TMEM219: variants seen among roughly 807,000 people sequenced by gnomAD.
The protein encoded by TMEM219 is insulin-like growth factor-binding protein 3 receptor.
A neutral mutation model predicts 17.9 loss-of-function variants in TMEM219; 18 were observed. The ratio of observed to expected loss-of-function variants is 1.01; its 90% CI spans 0.70 to 1.49. The LOEUF is 1.49. Ranked by LOEUF, TMEM219 falls within the 40% of genes most tolerant of loss-of-function variation. The probability of loss-of-function intolerance (pLI) is 0.00; values close to 1 mark genes in which losing one functional copy is unlikely to be tolerated. For synonymous variants in TMEM219, 113 were observed against 124.0 expected (o/e 0.91, Z 0.59); for missense variants, 288 against 292.4 (o/e 0.99, Z 0.11).
Position 29,968,010 on chromosome 16 carries a change from C to T in TMEM219, c.356-15C>T, listed in dbSNP as rs762883266. ...CTCTCATTTTCTTCCATTTTCTCTTCTGTGCCTTTCACAGGATCTTCTGCA... is the reference window on the plus strand; with the variant it reads ...CTCTCATTTTCTTCCATTTTCTCTTTTGTGCCTTTCACAGGATCTTCTGCA... On this transcript the variant is annotated splice_polypyrimidine_tract_variant and intron_variant, in intron 3 of 5. Transcript: ENST00000279396. The T allele has an allele frequency of 1.9e-6, 3 of 1,598,274 alleles. No homozygotes were observed. In the African/African-American group the frequency reaches 4.0e-5, roughly 21 times the overall value.
intron 4 of TMEM219, among the ~76,000 whole-genome samples, chr16:29,969,357 C>T (rs1024422336): frequency 1.6e-4 from 25 of 151,644 alleles, no homozygotes; most frequent in Non-Finnish European, 8.8e-5. Context: ...CCACCATGCC[C>T]GGCTAATTTT....
In TMEM219 at chr16:29,965,584, A is replaced by T. The variant is rs2069201831; in HGVS notation, c.355+1995A>T. On this transcript the variant is annotated intron_variant, in intron 3 of 5. Coordinates refer to ENST00000279396, the MANE Select transcript of TMEM219 (RefSeq NM_001083613.2). ...AAATACAAAAAAAAAAAAAAAAAAA[A>T]GCCAGGCGTGGTGGTGCACACCTGT... Among the ~76,000 whole-genome samples, 4 of 143,336 alleles carry T rather than the reference A, an allele frequency of 2.8e-5. 1 individual carries two copies. The South Asian group carries it at 9.0e-4, about 32-fold the overall frequency. The allele number at this position is 143,336 out of a possible 152,430, so 94.0% of individuals were successfully genotyped here. A position where few individuals can be genotyped will look rare whatever the true frequency, so the allele number is the denominator to read the frequency against.
chr16:29,967,999 C>G lies in TMEM219; in HGVS notation c.356-26C>G, dbSNP rs762058368. The G allele has an allele frequency of 2.6e-6, 4 of 1,566,020 alleles. No individual in the cohort carries two copies. The East Asian group carries it at 9.0e-5, about 35-fold the overall frequency. On this transcript the variant is annotated intron_variant, in intron 3 of 5. Coordinates refer to ENST00000279396, the MANE Select transcript of TMEM219 (RefSeq NM_001083613.2). ...TCCCGCGTCACCTCTCATTTTCTTC[C>G]ATTTTCTCTTCTGTGCCTTTCACAG...
Position 29,963,464 on chromosome 16 carries a change from C to T in TMEM219, c.230C>T (p.Thr77Ile), listed in dbSNP as rs368235524. The change falls in exon 3 of 6, where the codon ACA (threonine) becomes ATA (isoleucine). Residue 77 changes from threonine to isoleucine, a missense_variant. By Grantham distance (89) the Thr-to-Ile change is moderately conservative (BLOSUM62 -1). Coordinates refer to ENST00000279396, the MANE Select transcript of TMEM219 (RefSeq NM_001083613.2). ...LTLCPRNGTV[T>I]GKWRGSHVVG... is the part of the protein sequence containing the mutation. ...CTGTGTCCCAGGAATGGGACAGTCA[C>T]AGGGAAGTGGCGAGGGTCTCACGTC... 1.8e-5 allele frequency: 29 copies of T among 1,614,092 alleles called. No homozygotes were observed. Among genetic ancestry groups the T allele is most frequent in the Non-Finnish European group, 2.3e-5 (27 of 1,180,042 alleles).
At chr16:29,971,603 C>A in intron 5 of TMEM219, 25 bp downstream of exon 5, 2 of 339,662 alleles carry the variant, frequency 5.9e-6, no homozygotes, top group East Asian at 1.1e-4. Context: ...TCCAGTCCTG[C>A]GGGAGCAGGG....
At chr16:29,971,245 C>CA (rs372675511) in intron 4 of TMEM219, among the ~76,000 whole-genome samples, 163 bp from the exon 5 acceptor site, 1,714 of 127,282 alleles carry the variant, frequency 0.013, 16 homozygotes, top group African/African-American at 0.022. Context: ...GACTCCATCT[C>CA]AAAAAAAAAA....
chr16:29,965,325 A>C (rs1351247288), intron 3 of TMEM219, among the ~76,000 whole-genome samples: 1 of 152,318 alleles, frequency 6.6e-6, no homozygotes, highest in Admixed American at 6.5e-5. Context: ...CGATATATGC[A>C]GACTTGGGAC....
rs533608766 is a variant in TMEM219, at chr16:29,969,928, T to C, written c.586-1480T>C. ...GGAGGGCCATCAGTCAGGAGGCTGC[T>C]GCACACTCCACTCTCACATTTGAAA... On this transcript the variant is annotated intron_variant, in intron 4 of 5. Coordinates refer to ENST00000279396, the MANE Select transcript of TMEM219 (RefSeq NM_001083613.2). Among the ~76,000 whole-genome samples, 5 of 152,162 alleles carry C rather than the reference T, an allele frequency of 3.3e-5. No individual in the cohort carries two copies. The South Asian group carries it at 1.0e-3, about 32-fold the overall frequency.
chr16:29,970,830 G>A (rs926956765), intron 4 of TMEM219, among the ~76,000 whole-genome samples: 1 of 152,012 alleles, frequency 6.6e-6, no homozygotes, highest in Non-Finnish European at 1.5e-5. Context: ...TGTGGTCCCA[G>A]CTACTCAGGA....
chr16:29,971,328 C>G, intron 4 of TMEM219, 80 bp from the exon 5 acceptor site: 1 of 1,530,228 alleles, frequency 6.5e-7, no homozygotes, highest in Non-Finnish European at 8.9e-7. Flanking sequence ...GGAGAGCCCT[C>G]TCCCTCATGG....
chr16:29,963,333 C>T, intron 2 of TMEM219, 25 bp downstream of exon 2: 1 of 1,613,962 alleles, frequency 6.2e-7, no homozygotes. Flanking sequence ...CCCGTACCCG[C>T]TCTTCCTTCC....
At position 29,968,559 on chromosome 16, in the gene TMEM219, C is replaced by T. The variant is rs527822555; in HGVS notation, c.585+305C>T. The T allele has an allele frequency of 1.4e-5, 4 of 276,786 alleles. No individual in the cohort carries two copies. In the East Asian group the frequency reaches 2.8e-4, roughly 19 times the overall value. 17.1% of individuals were successfully genotyped at this position (276,786 alleles called of 1,614,324 possible). On this transcript the variant is annotated intron_variant, in intron 4 of 5. Coordinates refer to ENST00000279396, the MANE Select transcript of TMEM219 (RefSeq NM_001083613.2). ...GATAAGTGACAGCTATTGTTGTTTA[C>T]TATTGTCTTTAAAACATTCTCTCTA... is the stretch of plus-strand genomic sequence containing the variant.
Position 29,963,441 on chromosome 16 carries a change from G to C in TMEM219, c.207G>C (p.Leu69=). The C allele has an allele frequency of 6.2e-7, 1 of 1,614,190 alleles. No homozygotes were observed. Among genetic ancestry groups the C allele is most frequent in the Non-Finnish European group, 8.5e-7 (1 of 1,180,034 alleles). ...TGAGATCTTTTGGCCAGCTGACCCT[G>C]TGTCCCAGGAATGGGACAGTCACAG... The part of the protein sequence containing the change: ...SFLRSFGQLT[L]CPRNGTVTGK... Residue 69 remains leucine, a synonymous_variant, in exon 3 of 6, where the codon CTG becomes CTC. Transcript: ENST00000279396.
rs757073572 is a variant in TMEM219 at position 29,968,273 on chromosome 16, T to TC, written c.585+20dup. On this transcript the variant is annotated intron_variant, in intron 4 of 5. Transcript: ENST00000279396. ...CACCTCGGTAAGAGCCTCAGATGGG[T>TC]CGCCAGGGTTTTGTAGACTGCCTGC... The TC allele has an allele frequency of 1.4e-5, 22 of 1,598,410 alleles. No homozygotes were observed. Among genetic ancestry groups the TC allele is most frequent in the Non-Finnish European group, 1.9e-5 (22 of 1,167,052 alleles).
intron 4 of TMEM219, among the ~76,000 whole-genome samples, chr16:29,970,959 A>T (rs1189701036): frequency 1.3e-5 from 2 of 151,500 alleles, no homozygotes; most frequent in Admixed American, 1.3e-4. Flanking sequence ...GAAAAAAAAA[A>T]AAAAGGGCCA....
At position 29,963,558 on chromosome 16, in the gene TMEM219, C is replaced by A. The variant is rs775522702; in HGVS notation, c.324C>A (p.Ala108=). 1 of 1,614,112 alleles carries A rather than the reference C, an allele frequency of 6.2e-7. No homozygotes were observed. The highest frequency in any genetic ancestry group is 1.7e-5 in the Admixed American group (1 of 60,012). The change falls in exon 3 of 6, where the codon GCC becomes GCA. Residue 108 remains alanine, a synonymous_variant. Transcript: ENST00000279396. ...PDRNKTRTFQ[A]TVLGSQMGLK... ...GGAACAAGACCCGGACATTCCAGGC[C>A]ACAGTCCTGGGAAGTCAGATGGGAT...
intron 3 of TMEM219, among the ~76,000 whole-genome samples, chr16:29,965,433 T>G (rs2069199606): frequency 6.6e-6 from 1 of 151,946 alleles, no homozygotes; most frequent in Non-Finnish European, 1.5e-5. Flanking sequence ...AAGTGTACAG[T>G]TAGGGCCGGA....
In TMEM219 at chr16:29,968,376, G is replaced by T. The variant is rs375433455; in HGVS notation, c.585+122G>T. ...CACAGGTTTTATAACCCTGCCTTGG[G>T]GGCTGTGTGACGTAGAACAAGTGTC... is the stretch of plus-strand genomic sequence containing the variant. On this transcript the variant is annotated intron_variant, in intron 4 of 5. Transcript: ENST00000279396. 1,508 of 750,428 alleles carry T rather than the reference G, an allele frequency of 2.0e-3. 5 individuals carry two copies. Among genetic ancestry groups the T allele is most frequent in the Middle Eastern group, 3.9e-3 (10 of 2,584 alleles). 46.5% of individuals were successfully genotyped at this position (750,428 alleles called of 1,614,324 possible). A position where few individuals can be genotyped will look rare whatever the true frequency, so the allele number is the denominator to read the frequency against.
At chr16:29,962,594 T>G (rs545985570) in intron 1 of TMEM219, 1 of 153,636 alleles carries the variant, frequency 6.5e-6, no homozygotes, top group African/African-American at 2.4e-5. Context: ...TTTGTTGAAT[T>G]CCTGCATGGC....
Sources: allele counts gnomAD v4.1 joint callset (sites outside exome capture counted in the v4.1 genomes callset), GRCh38; gene constraint gnomAD v4.1.1; transcripts MANE v1.5; gene names NCBI Gene and HGNC (gene_info 2026-07-23, HGNC 2026-07-21).